SFXN2: variants seen among roughly 807,000 people sequenced by gnomAD.
SFXN2 encodes the protein sideroflexin 2, also known as sideroflexin-2.
A neutral mutation model predicts 41.9 loss-of-function variants in SFXN2; 37 were observed. That is an observed-to-expected ratio of 0.88 (90% confidence interval 0.68 to 1.16). SFXN2 has a LOEUF of 1.16. SFXN2 is among the 50% of genes most tolerant of loss of function. The pLI is 0.00. For missense variants in SFXN2, 386 were observed against 425.2 expected (o/e 0.91, Z 0.81); for synonymous variants, 150 against 156.7 (o/e 0.96, Z 0.32).
intron 10 of SFXN2, among the ~76,000 whole-genome samples, chr10:102,733,807 C>T (rs2064736975): frequency 6.6e-6 from 1 of 152,170 alleles, no homozygotes; most frequent in Non-Finnish European, 1.5e-5. Flanking sequence ...TGCACGTGTC[C>T]ATGTAGGAAG....
chr10:102,729,879 T>TG, intron 6 of SFXN2, 71 bp downstream of exon 6: 2 of 1,558,950 alleles, frequency 1.3e-6, no homozygotes, highest in Non-Finnish European at 1.8e-6. Flanking sequence ...ACCAAAGCAG[T>TG]GGGTGGCTTC....
chr10:102,728,365 G>A, intron 3 of SFXN2, 66 bp from the exon 4 acceptor site: 1 of 1,266,980 alleles, frequency 7.9e-7, no homozygotes, highest in Non-Finnish European at 1.2e-6. Flanking sequence ...TGCTTTGACT[G>A]GCATACCCTC....
chr10:102,725,260 C>G (rs1052198325), intron 1 of SFXN2, among the ~76,000 whole-genome samples: 1 of 152,130 alleles, frequency 6.6e-6, no homozygotes, highest in African/African-American at 2.4e-5. Flanking sequence ...GGAGCCTGTG[C>G]CCCTGAACCT....
At chr10:102,729,831 C>T in intron 6 of SFXN2, 23 bp downstream of exon 6, 2 of 1,612,264 alleles carry the variant, frequency 1.2e-6, no homozygotes, top group Non-Finnish European at 1.7e-6. Flanking sequence ...CCCTTTTTCT[C>T]CCTACAAACC....
rs890322434 is a variant in SFXN2, at chr10:102,739,712, G to C, written c.*1950G>C. The C allele has an allele frequency of 2.0e-5, 3 of 152,158 alleles. No individual in the cohort carries two copies. The highest frequency in any genetic ancestry group is 7.2e-5 in the African/African-American group (3 of 41,392). The allele number at this position is 152,158 out of a possible 1,614,324, so 9.4% of individuals were successfully genotyped here. A position where few individuals can be genotyped will look rare whatever the true frequency, so the allele number is the denominator to read the frequency against. ...GGATCACCTGAGGTCAGGAGTTCGAGACCAGCCTGATCAACATGGTGAAAC... is the reference window on the plus strand; with the variant it reads ...GGATCACCTGAGGTCAGGAGTTCGACACCAGCCTGATCAACATGGTGAAAC... On this transcript the variant is annotated 3_prime_UTR_variant, in exon 12 of 12. Coordinates refer to ENST00000369893, the MANE Select transcript of SFXN2 (RefSeq NM_178858.6).
chr10:102,718,670 T>C (rs141496326), intron 1 of SFXN2, among the ~76,000 whole-genome samples: 371 of 152,336 alleles, frequency 2.4e-3, no homozygotes, highest in Non-Finnish European at 4.4e-3. Flanking sequence ...TTGTTCCTGG[T>C]CTTTCCTCTT....
chr10:102,735,769 G>T, intron 10 of SFXN2, 93 bp from the exon 11 acceptor site: 1 of 1,322,394 alleles, frequency 7.6e-7, no homozygotes, highest in Non-Finnish European at 1.1e-6. Flanking sequence ...GGCAGGCCAG[G>T]TGCCTGGGCA....
At chr10:102,723,074 G>C (rs2064533857) in intron 1 of SFXN2, among the ~76,000 whole-genome samples, 1 of 151,154 alleles carries the variant, frequency 6.6e-6, no homozygotes, top group African/African-American at 2.4e-5. Flanking sequence ...TGGGACTGCA[G>C]GTGTGCACCA....
intron 8 of SFXN2, among the ~76,000 whole-genome samples, chr10:102,732,575 A>G (rs1211099144): frequency 6.6e-6 from 1 of 152,188 alleles, no homozygotes; most frequent in African/African-American, 2.4e-5. Flanking sequence ...GTACAAATAC[A>G]TTTTTGAGTT....
At chr10:102,727,706 G>A (rs1191433601) in intron 3 of SFXN2, 1 of 154,356 alleles carries the variant, frequency 6.5e-6, no homozygotes, top group African/African-American at 2.4e-5. Flanking sequence ...CGGGTGTTGG[G>A]AATGTGAAGG....
At chr10:102,736,157 C>T (rs1445274878) in intron 11 of SFXN2, among the ~76,000 whole-genome samples, 10 of 152,218 alleles carry the variant, frequency 6.6e-5, no homozygotes, top group Non-Finnish European at 1.3e-4. Context: ...GGAGCAAGCA[C>T]TGCCTTGAAG....
intron 1 of SFXN2, among the ~76,000 whole-genome samples, chr10:102,720,082 G>T (rs1461221907): frequency 1.3e-5 from 2 of 152,146 alleles, no homozygotes; most frequent in Non-Finnish European, 2.9e-5. Context: ...CACGAGGTCA[G>T]GAGATCGAGA....
In SFXN2 at chr10:102,727,129, A is replaced by T. The variant is rs1319895256; in HGVS notation, c.304A>T (p.Ile102Phe). 1 of 1,605,232 alleles carries T rather than the reference A, an allele frequency of 6.2e-7. No individual in the cohort carries two copies. Among genetic ancestry groups the T allele is most frequent in the Non-Finnish European group, 8.5e-7 (1 of 1,172,490 alleles). ...MSFQLPGGMI[I>F]TGFMLQFYRT... is the part of the protein sequence containing the mutation. Reference sequence around the variant, plus strand: ...TTTCCAGCTTCCTGGCGGCATGATCATCACGGGCTTCATGCTCCAGTTCTA... The same window carrying T: ...TTTCCAGCTTCCTGGCGGCATGATCTTCACGGGCTTCATGCTCCAGTTCTA... Residue 102 changes from isoleucine (I) to phenylalanine (F), a missense_variant, in exon 3 of 12, where the codon ATC becomes TTC. Ile to Phe is a conservative substitution (Grantham distance 21, BLOSUM62 0). Transcript: ENST00000369893.
intron 1 of SFXN2, among the ~76,000 whole-genome samples, chr10:102,720,578 T>A (rs1231461998): frequency 6.8e-6 from 1 of 147,622 alleles, no homozygotes; most frequent in African/African-American, 2.5e-5. Flanking sequence ...ACCACTGTAC[T>A]CCCACCTGGG....
chr10:102,723,858 G>T (rs1210737957), intron 1 of SFXN2, among the ~76,000 whole-genome samples: 1 of 152,042 alleles, frequency 6.6e-6, no homozygotes, highest in Non-Finnish European at 1.5e-5. Flanking sequence ...AGATTCAGGG[G>T]TACACGTGCA....
chr10:102,717,259 G>A (rs2064430387), intron 1 of SFXN2, among the ~76,000 whole-genome samples: 2 of 151,258 alleles, frequency 1.3e-5, no homozygotes, highest in Non-Finnish European at 2.9e-5. Context: ...AGCTTCCTGA[G>A]TAGCTAGGAT....
intron 10 of SFXN2, among the ~76,000 whole-genome samples, chr10:102,735,025 G>A (rs2064753961): frequency 6.6e-6 from 1 of 151,966 alleles, no homozygotes; most frequent in Non-Finnish European, 1.5e-5. Context: ...CAATAAAGAA[G>A]CAGGTCTCAG....
At position 102,728,415 on chromosome 10, in the gene SFXN2, C is replaced by T; in HGVS notation, c.333-16C>T. On this transcript the variant is annotated splice_polypyrimidine_tract_variant and intron_variant, in intron 3 of 11. Coordinates refer to ENST00000369893, the MANE Select transcript of SFXN2 (RefSeq NM_178858.6). ...TCTGACTTCTCTCTGCCTCTCCTGG[C>T]CTTCCTCACTGGTAGGACGATGCCG... The T allele has an allele frequency of 6.2e-7, 1 of 1,612,640 alleles. No homozygotes were observed. Among genetic ancestry groups the T allele is most frequent in the Non-Finnish European group, 8.5e-7 (1 of 1,178,662 alleles).
intron 11 of SFXN2, among the ~76,000 whole-genome samples, chr10:102,736,887 G>A (rs183785591): frequency 3.1e-4 from 47 of 150,674 alleles, no homozygotes; most frequent in African/African-American, 1.1e-3. Context: ...GGTCGTGGTG[G>A]CTCACGCCTG....
Sources: gnomAD v4.1 joint callset for allele counts (sites outside exome capture counted in the v4.1 genomes callset) on GRCh38, gnomAD v4.1.1 for gene constraint, MANE v1.5 for transcripts, NCBI Gene and HGNC (gene_info 2026-07-23, HGNC 2026-07-21) for gene names.